SEC11A: variants seen among roughly 807,000 people sequenced by gnomAD.
SEC11A encodes the protein signal peptidase complex catalytic subunit SEC11A.
A neutral mutation model predicts 25.6 loss-of-function variants in SEC11A; 14 were observed. The observed-to-expected ratio is 0.55, with a 90% CI of 0.36 to 0.85. SEC11A has a LOEUF of 0.85. Ranked by LOEUF, SEC11A falls within the 40% of genes least tolerant of loss-of-function variation. The pLI is 0.01. For synonymous variants in SEC11A, 83 were observed against 76.4 expected (o/e 1.09, Z -0.45); for missense variants, 153 against 222.9 (o/e 0.69, Z 2.00).
chr15:84,697,175 T>C (rs1222334415), intron 1 of SEC11A, among the ~76,000 whole-genome samples: 1 of 151,616 alleles, frequency 6.6e-6, no homozygotes, highest in South Asian at 2.1e-4. Flanking sequence ...GGTAGGAGGA[T>C]TGCTTGAGCC....
intron 1 of SEC11A, among the ~76,000 whole-genome samples, chr15:84,703,328 T>C (rs754583520): frequency 1.8e-4 from 28 of 152,128 alleles, no homozygotes; most frequent in Admixed American, 5.2e-4. Context: ...TCATTAAGTG[T>C]AAGTGGTATA....
At chr15:84,690,010 T>C (rs1897556010) in intron 2 of SEC11A, among the ~76,000 whole-genome samples, 1 of 152,124 alleles carries the variant, frequency 6.6e-6, no homozygotes, top group Non-Finnish European at 1.5e-5. Context: ...GGCTCATGCT[T>C]GTAATCCCAG....
chr15:84,711,610 G>C (rs1898269588), intron 1 of SEC11A, among the ~76,000 whole-genome samples: 1 of 151,882 alleles, frequency 6.6e-6, no homozygotes, highest in Admixed American at 6.6e-5. Flanking sequence ...TTGAGGTCAG[G>C]AGTTCAAGAC....
At chr15:84,691,073 CTTT>C (rs199982469) in intron 2 of SEC11A, among the ~76,000 whole-genome samples, 4 of 132,964 alleles carry the variant, frequency 3.0e-5, no homozygotes, top group Admixed American at 7.9e-5. Flanking sequence ...TCTTTTCTCT[CTTT>C]TTTTTTTTTT....
rs544661634 is a variant in SEC11A at position 84,702,873 on chromosome 15, G to C, written c.52-11229C>G. ...ACACTAACTCTTCCAGAAAATTGCAGAAAAGTGAATACTCCCCAACTTACT... is the reference window on the plus strand; with the variant it reads ...ACACTAACTCTTCCAGAAAATTGCACAAAAGTGAATACTCCCCAACTTACT... On this transcript the variant is annotated intron_variant, in intron 1 of 5. Coordinates refer to ENST00000268220, the MANE Select transcript of SEC11A (RefSeq NM_014300.4). Among the ~76,000 whole-genome samples the C allele has an allele frequency of 3.8e-4, 58 of 152,246 alleles. No individual in the cohort carries two copies. The South Asian group carries it at 6.4e-3, about 17-fold the overall frequency.
intron 3 of SEC11A, among the ~76,000 whole-genome samples, chr15:84,681,421 G>A (rs1897280108): frequency 6.6e-6 from 1 of 152,240 alleles, no homozygotes; most frequent in East Asian, 1.9e-4. Flanking sequence ...CCTGAGGTCA[G>A]AAGTTCGAGA....
intron 1 of SEC11A, among the ~76,000 whole-genome samples, chr15:84,695,191 G>A (rs1030366031): frequency 2.1e-5 from 3 of 144,878 alleles, no homozygotes; most frequent in East Asian, 2.1e-4. Context: ...GGCTGGGCTC[G>A]GTGGCTCACG....
intron 1 of SEC11A, among the ~76,000 whole-genome samples, chr15:84,700,212 C>T (rs1897888289): frequency 6.6e-6 from 1 of 151,726 alleles, no homozygotes; most frequent in Admixed American, 6.6e-5. Flanking sequence ...AACTACCAGA[C>T]ATGCAAAGAG....
intron 4 of SEC11A, among the ~76,000 whole-genome samples, chr15:84,675,677 GAT>G (rs1359814791): frequency 6.6e-6 from 1 of 151,936 alleles, no homozygotes; most frequent in African/African-American, 2.4e-5. Context: ...TCTGTTCCCC[GAT>G]CCTCTGCCAA....
intron 1 of SEC11A, among the ~76,000 whole-genome samples, chr15:84,711,342 G>A (rs1409765393): frequency 1.3e-5 from 2 of 151,594 alleles, no homozygotes; most frequent in Admixed American, 6.6e-5. Context: ...AGATCCTGCC[G>A]CTGTACTCCA....
chr15:84,677,645 T>G (rs1451157163), intron 4 of SEC11A, among the ~76,000 whole-genome samples: 1 of 151,974 alleles, frequency 6.6e-6, no homozygotes, highest in African/African-American at 2.4e-5. Context: ...GCTAATTTTT[T>G]TGTATTTTTA....
intron 1 of SEC11A, among the ~76,000 whole-genome samples, chr15:84,700,339 T>C (rs1185730159): frequency 6.6e-6 from 1 of 151,742 alleles, no homozygotes; most frequent in Non-Finnish European, 1.5e-5. Context: ...CTTATGCCTG[T>C]AATCCCAGAA....
At chr15:84,710,009 C>T (rs1442856979) in intron 1 of SEC11A, among the ~76,000 whole-genome samples, 6 of 152,188 alleles carry the variant, frequency 3.9e-5, no homozygotes, top group African/African-American at 1.4e-4. Flanking sequence ...TCCACCATTA[C>T]AGGCGTGAGC....
chr15:84,702,403 A>G (rs1438251452), intron 1 of SEC11A, among the ~76,000 whole-genome samples: 2 of 151,128 alleles, frequency 1.3e-5, no homozygotes, highest in Admixed American at 6.6e-5. Context: ...TCACTGCAAC[A>G]GTGAGCCAAG....
intron 3 of SEC11A, among the ~76,000 whole-genome samples, chr15:84,683,469 T>C (rs534491521): frequency 6.6e-6 from 1 of 152,332 alleles, no homozygotes; most frequent in African/African-American, 2.4e-5. Flanking sequence ...AATCAGGAGT[T>C]ATCACTATAG....
intron 1 of SEC11A, among the ~76,000 whole-genome samples, chr15:84,708,383 C>A (rs892286565): frequency 6.6e-6 from 1 of 151,804 alleles, no homozygotes; most frequent in African/African-American, 2.4e-5. Context: ...AAAGATTTTC[C>A]TGAACCTAAA....
chr15:84,685,917 C>T (rs1379465299), intron 3 of SEC11A: 1 of 147,782 alleles, frequency 6.8e-6, no homozygotes, highest in African/African-American at 2.5e-5. Flanking sequence ...ATTCTCCTGC[C>T]TTAGCCTCCT....
At chr15:84,702,114 T>G (rs969894978) in intron 1 of SEC11A, among the ~76,000 whole-genome samples, 1 of 151,694 alleles carries the variant, frequency 6.6e-6, no homozygotes. Flanking sequence ...AAGTTCATCA[T>G]GAGAATGTAA....
At chr15:84,674,136 G>A (rs1897073532) in intron 4 of SEC11A, among the ~76,000 whole-genome samples, 1 of 151,806 alleles carries the variant, frequency 6.6e-6, no homozygotes, top group African/African-American at 2.4e-5. Flanking sequence ...GGATCTCCAA[G>A]AGCTGAAAAG....
Sources: gnomAD v4.1 joint callset for allele counts (sites outside exome capture counted in the v4.1 genomes callset) on GRCh38, gnomAD v4.1.1 for gene constraint, MANE v1.5 for transcripts, NCBI Gene and HGNC (gene_info 2026-07-23, HGNC 2026-07-21) for gene names.